Variants in AGPS observed in about 807,000 individuals in gnomAD.
The protein encoded by AGPS is alkyldihydroxyacetonephosphate synthase, peroxisomal.
AGPS carries 26 observed loss-of-function variants against 90.7 expected under a neutral mutation model. The observed-to-expected ratio is 0.29, with a 90% confidence interval of 0.21 to 0.40. The LOEUF (loss-of-function observed/expected upper bound fraction) is 0.40, where lower values mean the gene tolerates loss of function less well. Among genes scored for constraint, AGPS ranks in the 10% least tolerant of loss-of-function variants. The probability of loss-of-function intolerance (pLI) is 1.00; values close to 1 mark genes in which losing one functional copy is unlikely to be tolerated. For synonymous variants in AGPS, 294 were observed against 285.3 expected (o/e 1.03, Z -0.31); for missense variants, 540 against 816.1 (o/e 0.66, Z 4.12).
intron 11 of AGPS, among the ~76,000 whole-genome samples, chr2:177,488,556 C>G (rs1447701943): frequency 6.6e-6 from 1 of 152,112 alleles, no homozygotes. Context: ...AGCTTGATAA[C>G]CAACATAATG....
chr2:177,507,602 G>T (rs545718552), intron 15 of AGPS, among the ~76,000 whole-genome samples: 1 of 152,016 alleles, frequency 6.6e-6, no homozygotes, highest in Non-Finnish European at 1.5e-5. Flanking sequence ...ACTAATTTTC[G>T]ATATTGGTTA....
In AGPS at chr2:177,539,043, A is replaced by G. The variant is rs2079208483; in HGVS notation, c.*848A>G. On this transcript the variant is annotated 3_prime_UTR_variant, in exon 20 of 20. Transcript: ENST00000264167. ...TTCTTGTTGCTGAAATGCAGAAGAAACAGCTACAGCAAGAGCAGAAGGAAA... is the reference window on the plus strand; with the variant it reads ...TTCTTGTTGCTGAAATGCAGAAGAAGCAGCTACAGCAAGAGCAGAAGGAAA... The G allele has an allele frequency of 6.6e-6, 1 of 152,082 alleles. No individual in the cohort carries two copies. The highest frequency in any genetic ancestry group is 1.5e-5 in the Non-Finnish European group (1 of 67,956). The allele number at this position is 152,082 out of a possible 1,614,324, so 9.4% of individuals were successfully genotyped here. A position where few individuals can be genotyped will look rare whatever the true frequency, so the allele number is the denominator to read the frequency against.
intron 9 of AGPS, 57 bp from the exon 10 acceptor site, chr2:177,468,359 T>TAGAC (rs1175393568): frequency 3.9e-6 from 4 of 1,025,878 alleles, no homozygotes; most frequent in Non-Finnish European, 6.2e-6. Flanking sequence ...TGTCTGTACA[T>TAGAC]AGACACACAT....
intron 11 of AGPS, among the ~76,000 whole-genome samples, chr2:177,482,648 C>A (rs1473251593): frequency 6.6e-6 from 1 of 152,038 alleles, no homozygotes; most frequent in Non-Finnish European, 1.5e-5. Context: ...TCAACTTCAT[C>A]AATTCATAGA....
intron 8 of AGPS, 137 bp from the exon 9 acceptor site, chr2:177,461,756 T>TC (rs1157963748): frequency 1.5e-6 from 1 of 669,522 alleles, no homozygotes; most frequent in African/African-American, 1.9e-5. Context: ...ATCTTTTTTT[T>TC]TTTTTTTTGC....
intron 9 of AGPS, among the ~76,000 whole-genome samples, chr2:177,465,526 G>A (rs533661883): frequency 1.3e-5 from 2 of 152,282 alleles, no homozygotes; most frequent in South Asian, 4.1e-4. Context: ...GCTTGCCAAC[G>A]GCGAGCCAGG....
At chr2:177,433,684 CTT>C (rs1041537295) in intron 2 of AGPS, among the ~76,000 whole-genome samples, 1 of 151,560 alleles carries the variant, frequency 6.6e-6, no homozygotes, top group Non-Finnish European at 1.5e-5. Context: ...CTTTAAAAGA[CTT>C]TTTTTTTCTT....
chr2:177,453,419 G>A (rs978844890), intron 8 of AGPS, among the ~76,000 whole-genome samples: 9 of 151,682 alleles, frequency 5.9e-5, no homozygotes, highest in Non-Finnish European at 1.3e-4. Context: ...TTACAGGCAT[G>A]CCCCACCACG....
At chr2:177,425,582 T>G (rs1686056626) in intron 2 of AGPS, among the ~76,000 whole-genome samples, 1 of 144,148 alleles carries the variant, frequency 6.9e-6, no homozygotes, top group Non-Finnish European at 1.5e-5. Context: ...GATCACGCCA[T>G]TGCACTCCAG....
intron 1 of AGPS, among the ~76,000 whole-genome samples, chr2:177,403,688 T>C (rs1191221558): frequency 1.3e-5 from 2 of 152,376 alleles, no homozygotes; most frequent in Non-Finnish European, 2.9e-5. Flanking sequence ...GCTTAGATCC[T>C]TTCAGACATA....
rs558495183 is a variant in AGPS at position 177,538,255 on chromosome 2, A to G, written c.*60A>G. ...TTTTTTTAAGTTTTCAACTGTGGTT[A>G]TACTAGTAATCAAATATATCATGGA... On this transcript the variant is annotated 3_prime_UTR_variant, in exon 20 of 20. Transcript: ENST00000264167. 8 of 1,510,836 alleles carry G rather than the reference A, an allele frequency of 5.3e-6. No individual in the cohort carries two copies. In the African/African-American group the frequency reaches 9.7e-5, roughly 18 times the overall value. 93.6% of individuals were successfully genotyped at this position (1,510,836 alleles called of 1,614,324 possible).
intron 14 of AGPS, among the ~76,000 whole-genome samples, chr2:177,502,438 T>C (rs1688587125): frequency 1.4e-5 from 2 of 145,924 alleles, no homozygotes; most frequent in Admixed American, 1.4e-4. Context: ...TTTGAGACAA[T>C]GTCTTGCTCT....
intron 2 of AGPS, among the ~76,000 whole-genome samples, chr2:177,433,724 G>C (rs1301406316): frequency 6.6e-6 from 1 of 152,048 alleles, no homozygotes; most frequent in Non-Finnish European, 1.5e-5. Flanking sequence ...TGACTGATCT[G>C]AAACTCTAAA....
intron 1 of AGPS, among the ~76,000 whole-genome samples, chr2:177,400,912 C>G (rs1465978049): frequency 6.6e-6 from 1 of 152,146 alleles, no homozygotes; most frequent in African/African-American, 2.4e-5. Flanking sequence ...TCTAAAGGTG[C>G]TTGAACTAAC....
chr2:177,429,023 C>T (rs1192571110), intron 2 of AGPS, among the ~76,000 whole-genome samples: 1 of 152,048 alleles, frequency 6.6e-6, no homozygotes, highest in African/African-American at 2.4e-5. Flanking sequence ...TCTTTTCATT[C>T]TTTTTTCTCT....
At position 177,540,101 on chromosome 2, in the gene AGPS, G is replaced by A. The variant is rs543345877; in HGVS notation, c.*1906G>A. Reference sequence around the variant, plus strand: ...TATATATATATATATATATGTATATGTTTCTGAGTAATTTTTAAAAAATAA... The same window carrying A: ...TATATATATATATATATATGTATATATTTCTGAGTAATTTTTAAAAAATAA... On this transcript the variant is annotated 3_prime_UTR_variant, in exon 20 of 20. Transcript: ENST00000264167. 1 of 147,482 alleles carries A rather than the reference G, an allele frequency of 6.8e-6. No homozygotes were observed. The highest frequency in any genetic ancestry group is 6.8e-5 in the Admixed American group (1 of 14,682). The allele number at this position is 147,482 out of a possible 1,614,324, so 9.1% of individuals were successfully genotyped here.
In AGPS at chr2:177,513,970, G is replaced by A. The variant is rs550357855; in HGVS notation, c.1697+62G>A. ...GAAAAAAATGTTTTTTTTAATCAAGGGGGGGAATATAATTTTCCAGCTGAG... is the reference window on the plus strand; with the variant it reads ...GAAAAAAATGTTTTTTTTAATCAAGAGGGGGAATATAATTTTCCAGCTGAG... On this transcript the variant is annotated intron_variant, in intron 17 of 19. Coordinates refer to ENST00000264167, the MANE Select transcript of AGPS (RefSeq NM_003659.4). 2.8e-5 allele frequency: 35 copies of A among 1,247,954 alleles called. 2 individuals are homozygous for A. The East Asian group carries it at 7.7e-4, about 28-fold the overall frequency. 77.3% of individuals were successfully genotyped at this position (1,247,954 alleles called of 1,614,324 possible).
chr2:177,422,330 C>A (rs1325845397), intron 2 of AGPS, among the ~76,000 whole-genome samples: 1 of 152,106 alleles, frequency 6.6e-6, no homozygotes, highest in East Asian at 1.9e-4. Flanking sequence ...AGCATACATT[C>A]AGAACAAAGG....
intron 17 of AGPS, among the ~76,000 whole-genome samples, chr2:177,516,614 A>G (rs915569738): frequency 6.6e-6 from 1 of 152,154 alleles, no homozygotes; most frequent in Admixed American, 6.5e-5. Flanking sequence ...AGGCCCATCA[A>G]GCTTTGTTAT....
Sources: gnomAD v4.1 joint callset for allele counts (sites outside exome capture counted in the v4.1 genomes callset) on GRCh38, gnomAD v4.1.1 for gene constraint, MANE v1.5 for transcripts, NCBI Gene and HGNC (gene_info 2026-07-23, HGNC 2026-07-21) for gene names.